The following MED13L variants were observed in gnomAD, a reference collection of about 807,000 sequenced individuals.
MED13L encodes mediator complex subunit 13L, also known as mediator of RNA polymerase II transcription subunit 13-like.
In MED13L, 7 loss-of-function variants were observed where a neutral mutation model predicts 220.9. That is an observed-to-expected ratio of 0.03 (90% confidence interval 0.02 to 0.06). The LOEUF (loss-of-function observed/expected upper bound fraction) is 0.06. MED13L is among the 10% of genes least tolerant of loss of function. The pLI, the probability that MED13L is intolerant of heterozygous loss-of-function variation, is 1.00. For missense variants in MED13L, 1,965 were observed against 2,760.5 expected (o/e 0.71, Z 6.46); for synonymous variants, 1,011 against 1,015.2 (o/e 1.00, Z 0.08).
chr12:115,968,261 C>G (rs1245020553), intron 28 of MED13L, among the ~76,000 whole-genome samples: 3 of 152,108 alleles, frequency 2.0e-5, no homozygotes, highest in Non-Finnish European at 4.4e-5. Context: ...AGCAAAGTTA[C>G]CACAAGCTGT....
In MED13L at chr12:116,277,126, A is replaced by C. The variant is rs1216110111; in HGVS notation, c.6T>G (p.Thr2=). 3.2e-6 allele frequency: 5 copies of C among 1,581,360 alleles called. No individual in the cohort carries two copies. Among genetic ancestry groups the C allele is most frequent in the Non-Finnish European group, 4.3e-6 (5 of 1,165,588 alleles). M[T]AAANWVANGA... is the part of the protein sequence containing the mutation. ...CGTTCGCCACCCAGTTCGCTGCCGCAGTCATGATCCTCCGCGAGCCCGGCC... is the reference window on the plus strand; with the variant it reads ...CGTTCGCCACCCAGTTCGCTGCCGCCGTCATGATCCTCCGCGAGCCCGGCC... The change falls in exon 1 of 31, where the codon ACT becomes ACG. Residue 2 remains threonine, a synonymous_variant. Transcript: ENST00000281928.
In MED13L at chr12:116,245,752, G is replaced by T. The variant is rs553838189; in HGVS notation, c.73-8047C>A. 6.6e-5 allele frequency among the ~76,000 whole-genome samples: 10 copies of T among 151,984 alleles called. No individual in the cohort carries two copies. The South Asian group carries it at 2.1e-3, about 32-fold the overall frequency. ...GAAAGTGAAACAAATAAACAAAAAT[G>T]GAAAATGGGGGAAAGCTGAAAATCC... On this transcript the variant is annotated intron_variant, in intron 1 of 30. Transcript: ENST00000281928.
intron 4 of MED13L, among the ~76,000 whole-genome samples, chr12:116,032,675 G>GTTCTTCCTGACAAAATTTA (rs1424014071): frequency 6.6e-6 from 1 of 152,092 alleles, no homozygotes; most frequent in Non-Finnish European, 1.5e-5. Flanking sequence ...CATCAAGACT[G>GTTCTTCCTGACAAAATTTA]TTCTTCCTGA....
intron 2 of MED13L, among the ~76,000 whole-genome samples, chr12:116,227,347 G>C (rs755838838): frequency 6.6e-6 from 1 of 152,084 alleles, no homozygotes; most frequent in Non-Finnish European, 1.5e-5. Flanking sequence ...TAAGATATAG[G>C]AATATCTCAT....
intron 17 of MED13L, among the ~76,000 whole-genome samples, chr12:115,988,818 A>G (rs1355516170): frequency 2.0e-5 from 3 of 152,160 alleles, no homozygotes; most frequent in Admixed American, 2.0e-4. Context: ...ATTCATGCAC[A>G]CAGACTGCTT....
rs1424210784 is a variant in MED13L, at chr12:116,096,752, C to T, written c.396G>A (p.Arg132=). Residue 132 remains arginine (R), a splice_region_variant and synonymous_variant, in exon 4 of 31, where the codon AGG becomes AGA. Coordinates refer to ENST00000281928, the MANE Select transcript of MED13L (RefSeq NM_015335.5). ...TAACGAAGTTCTTATCCATTAGGCA[C>T]CTAAAATAATTACATCAAGAATTAC... ...LFKAIHNLLE[R]CLMDKNFVRI... 1 of 1,611,218 alleles carries T rather than the reference C, an allele frequency of 6.2e-7. No individual in the cohort carries two copies. The highest frequency in any genetic ancestry group is 8.5e-7 in the Non-Finnish European group (1 of 1,177,706).
intron 2 of MED13L, among the ~76,000 whole-genome samples, chr12:116,218,736 ATT>A (rs781696931): frequency 2.1e-5 from 3 of 145,734 alleles, no homozygotes; most frequent in Non-Finnish European, 3.0e-5. Flanking sequence ...AAGCAGTAAA[ATT>A]TTTTTTTTTT....
At chr12:116,135,131 T>C (rs1010306823) in intron 2 of MED13L, among the ~76,000 whole-genome samples, 1 of 152,198 alleles carries the variant, frequency 6.6e-6, no homozygotes, top group Non-Finnish European at 1.5e-5. Flanking sequence ...ATTGTGCCAC[T>C]GTACTCCAGC....
chr12:116,176,392 C>T (rs1343882893), intron 2 of MED13L, among the ~76,000 whole-genome samples: 1 of 151,876 alleles, frequency 6.6e-6, no homozygotes, highest in Admixed American at 6.6e-5. Flanking sequence ...TAAATATAAG[C>T]TCCCATCATC....
rs191807622 is a variant in MED13L, at chr12:116,270,085, C to T, written c.72+6975G>A. Among the ~76,000 whole-genome samples the T allele has an allele frequency of 1.3e-3, 201 of 151,630 alleles. 1 individual carries two copies. The highest frequency in any genetic ancestry group is 4.7e-3 in the African/African-American group (193 of 41,328). ...TATAAATGCAAGAAAAACAGGAGTT[C>T]CTAAAGGAGGATTATTACAGCTAAT... On this transcript the variant is annotated intron_variant, in intron 1 of 30. Coordinates refer to ENST00000281928, the MANE Select transcript of MED13L (RefSeq NM_015335.5).
At chr12:116,022,265 G>A (rs915592473) in intron 5 of MED13L, among the ~76,000 whole-genome samples, 191 bp downstream of exon 5, 2 of 152,254 alleles carry the variant, frequency 1.3e-5, no homozygotes, top group East Asian at 1.9e-4. Context: ...AAGCTTCAGC[G>A]AAAAACTAAC....
At chr12:116,010,665 T>C (rs1413366030) in intron 9 of MED13L, among the ~76,000 whole-genome samples, 1 of 151,934 alleles carries the variant, frequency 6.6e-6, no homozygotes, top group Non-Finnish European at 1.5e-5. Flanking sequence ...GGAAGAAACC[T>C]GAGGCAGGGC....
At chr12:116,255,573 T>G (rs1871974129) in intron 1 of MED13L, among the ~76,000 whole-genome samples, 1 of 152,176 alleles carries the variant, frequency 6.6e-6, no homozygotes, top group Non-Finnish European at 1.5e-5. Flanking sequence ...AGTGAGAAAA[T>G]GAAAAGGCAC....
intron 27 of MED13L, among the ~76,000 whole-genome samples, chr12:115,969,519 G>A (rs187577038): frequency 1.2e-3 from 176 of 151,892 alleles, no homozygotes; most frequent in African/African-American, 4.0e-3. Flanking sequence ...TAATGAGTGT[G>A]AACTTGCCCT....
At chr12:116,115,555 C>A (rs1250428873) in intron 2 of MED13L, among the ~76,000 whole-genome samples, 1 of 151,388 alleles carries the variant, frequency 6.6e-6, no homozygotes, top group Non-Finnish European at 1.5e-5. Flanking sequence ...TTATGTTAAG[C>A]TATGGAAAAG....
chr12:115,979,274 C>T (rs1199802646), intron 23 of MED13L, among the ~76,000 whole-genome samples: 1 of 152,138 alleles, frequency 6.6e-6, no homozygotes, highest in Non-Finnish European at 1.5e-5. Context: ...TAATCTAAAC[C>T]TCACTTTATC....
chr12:116,013,523 G>A (rs1879544452), intron 8 of MED13L, among the ~76,000 whole-genome samples: 1 of 152,060 alleles, frequency 6.6e-6, no homozygotes, highest in African/African-American at 2.4e-5. Context: ...ATCTCATTAT[G>A]TATATGCAAA....
At chr12:116,009,510 T>C (rs1251224011) in intron 9 of MED13L, among the ~76,000 whole-genome samples, 1 of 152,158 alleles carries the variant, frequency 6.6e-6, no homozygotes, top group Non-Finnish European at 1.5e-5. Flanking sequence ...AAGCTTCCAA[T>C]TTCTATTTTA....
intron 2 of MED13L, among the ~76,000 whole-genome samples, chr12:116,199,866 G>A (rs956058431): frequency 6.6e-6 from 1 of 152,058 alleles, no homozygotes; most frequent in Non-Finnish European, 1.5e-5. Context: ...AAGAGCATCA[G>A]TCAGAAGGAC....
Sources: gnomAD v4.1 joint callset for allele counts (sites outside exome capture counted in the v4.1 genomes callset) on GRCh38, gnomAD v4.1.1 for gene constraint, MANE v1.5 for transcripts, NCBI Gene and HGNC (gene_info 2026-07-23, HGNC 2026-07-21) for gene names.